Variants in VPS8 observed in about 807,000 individuals in gnomAD.
The protein encoded by VPS8 is VPS8 subunit of CORVET complex.
Under a neutral mutation model 216.4 loss-of-function variants are expected in VPS8, and 129 were observed. The ratio of observed to expected loss-of-function variants is 0.60; its 90% CI spans 0.52 to 0.69. VPS8 has a LOEUF of 0.69. Ranked by LOEUF, VPS8 falls within the 30% of genes least tolerant of loss-of-function variation. VPS8 has a pLI of 0.00. For missense variants in VPS8, 1,531 were observed against 1,683.5 expected, an observed-to-expected ratio of 0.91 and a Z score of 1.59; for synonymous variants, 571 against 565.4, an observed-to-expected ratio of 1.01 and a Z score of -0.14.
intron 42 of VPS8, among the ~76,000 whole-genome samples, chr3:184,984,946 G>A (rs1750839662): frequency 2.0e-5 from 3 of 151,984 alleles, no homozygotes; most frequent in Non-Finnish European, 4.4e-5. Flanking sequence ...GAAGTCTCTT[G>A]ATATTTGAAA....
chr3:184,894,886 C>T lies in VPS8; in HGVS notation c.1965C>T (p.Leu655=), dbSNP rs748236835. ...DKKLMENVEA[L]IVHMDITSLD... ...AATTAATGGAAAATGTGGAAGCGCT[C>T]ATTGTACATATGGATATCACCAGCC... is the stretch of plus-strand genomic sequence containing the variant. Residue 655 remains leucine, a synonymous_variant, in exon 23 of 48, where the codon CTC becomes CTT. Coordinates refer to ENST00000625842, the MANE Select transcript of VPS8 (RefSeq NM_001009921.3). The T allele has an allele frequency of 1.2e-6, 2 of 1,608,440 alleles. No homozygotes were observed. Among genetic ancestry groups the T allele is most frequent in the Non-Finnish European group, 8.5e-7 (1 of 1,177,782 alleles).
chr3:184,966,255 C>T (rs1747393784), intron 38 of VPS8, among the ~76,000 whole-genome samples: 1 of 152,134 alleles, frequency 6.6e-6, no homozygotes, highest in Non-Finnish European at 1.5e-5. Flanking sequence ...CACTCATTAC[C>T]ACAGAGGGGC....
intron 21 of VPS8, among the ~76,000 whole-genome samples, chr3:184,883,654 T>TCTA (rs1269938292): frequency 4.6e-5 from 7 of 152,184 alleles, no homozygotes; most frequent in Admixed American, 2.0e-4. Flanking sequence ...TGTAATAGCC[T>TCTA]TGGTTTCCAG....
rs758242819 is a variant in VPS8 at position 184,900,887 on chromosome 3, G to A, written c.2095-34G>A. On this transcript the variant is annotated intron_variant, in intron 24 of 47. Transcript: ENST00000625842. ...TTTTTTAAATAATATCATTTGAGAT[G>A]ATGATGATTGTTTTCCTATTAATTT... The A allele has an allele frequency of 1.9e-6, 3 of 1,547,770 alleles. No homozygotes were observed. In the Admixed American group the frequency reaches 5.6e-5, roughly 29 times the overall value.
chr3:184,902,896 A>T (rs111843814), intron 25 of VPS8, among the ~76,000 whole-genome samples: 4 of 151,330 alleles, frequency 2.6e-5, no homozygotes, highest in African/African-American at 9.7e-5. Context: ...ACATTTTCTT[A>T]TAGAAATTTA....
At chr3:184,910,565 G>T (rs949753504) in intron 25 of VPS8, among the ~76,000 whole-genome samples, 8 of 152,194 alleles carry the variant, frequency 5.3e-5, no homozygotes, top group African/African-American at 1.9e-4. Flanking sequence ...GCTGCTTTGA[G>T]TCTTTTTCCT....
At chr3:184,822,638 A>G (rs1234778565) in intron 1 of VPS8, among the ~76,000 whole-genome samples, 3 of 152,240 alleles carry the variant, frequency 2.0e-5, no homozygotes, top group African/African-American at 7.2e-5. Context: ...CGTGAATTAG[A>G]TTGTGCATGT....
rs1022809966 is a variant in VPS8, at chr3:184,999,988, T to C, written c.4002+127T>C. 10 of 1,088,234 alleles carry C rather than the reference T, an allele frequency of 9.2e-6. No homozygotes were observed. The African/African-American group carries it at 1.4e-4, about 16-fold the overall frequency. 67.4% of individuals were successfully genotyped at this position (1,088,234 alleles called of 1,614,324 possible). A position where few individuals can be genotyped will look rare whatever the true frequency, so the allele number is the denominator to read the frequency against. On this transcript the variant is annotated intron_variant, in intron 45 of 47. Coordinates refer to ENST00000625842, the MANE Select transcript of VPS8 (RefSeq NM_001009921.3). The stretch of plus-strand genomic sequence containing the variant: ...CCTGGTGGGTATTGGGTACATGAAA[T>C]GTTCTTTTCAGTCCTATTTAGTGTT...
intron 45 of VPS8, among the ~76,000 whole-genome samples, chr3:185,007,138 A>G (rs974557709): frequency 7.9e-5 from 12 of 152,240 alleles, no homozygotes; most frequent in Non-Finnish European, 1.5e-4. Context: ...CTTCAAAAAA[A>G]GGAGAAATGA....
intron 35 of VPS8, among the ~76,000 whole-genome samples, chr3:184,938,449 C>T (rs910819011): frequency 1.3e-5 from 2 of 152,098 alleles, no homozygotes; most frequent in African/African-American, 4.8e-5. Flanking sequence ...TGAAGTAGTA[C>T]ACGGAAGGAC....
chr3:184,963,920 G>T (rs1746961335), intron 37 of VPS8, among the ~76,000 whole-genome samples: 1 of 151,722 alleles, frequency 6.6e-6, no homozygotes, highest in Non-Finnish European at 1.5e-5. Flanking sequence ...TGTGTTATTT[G>T]TTCTAATAAA....
At chr3:184,923,397 CT>C (rs909865684) in intron 29 of VPS8, among the ~76,000 whole-genome samples, 3 of 152,164 alleles carry the variant, frequency 2.0e-5, no homozygotes, top group Non-Finnish European at 2.9e-5. Flanking sequence ...CCTGTCCCCC[CT>C]GTCTCTGCCT....
chr3:184,970,207 C>T (rs543343818), intron 39 of VPS8, among the ~76,000 whole-genome samples: 45 of 152,064 alleles, frequency 3.0e-4, no homozygotes, highest in Non-Finnish European at 4.9e-4. Flanking sequence ...CCACCACGAC[C>T]GGCCCCATCT....
chr3:185,014,607 G>C (rs939472791), intron 45 of VPS8, among the ~76,000 whole-genome samples: 1 of 152,200 alleles, frequency 6.6e-6, no homozygotes, highest in African/African-American at 2.4e-5. Context: ...GCTGCTGATA[G>C]CATCTGGCCT....
intron 23 of VPS8, 76 bp downstream of exon 23, chr3:184,895,001 G>A: frequency 8.1e-7 from 1 of 1,232,166 alleles, no homozygotes; most frequent in South Asian, 1.6e-5. Flanking sequence ...TCACTGATCA[G>A]GCCTGACCCT....
At chr3:184,919,853 T>G (rs1469268321) in intron 28 of VPS8, among the ~76,000 whole-genome samples, 1 of 152,168 alleles carries the variant, frequency 6.6e-6, no homozygotes, top group African/African-American at 2.4e-5. Flanking sequence ...TCGCTCTCTT[T>G]TTTTTGCTTA....
rs1714346973 is a variant in VPS8, at chr3:185,051,946, G to GT, written c.4209dup (p.Ala1404CysfsTer11). ...TATAGGCCATTCAGTGGCTCGCAGA[G>GT]TGCTCCTGCTTTCAACAGCATCTTC... is the stretch of plus-strand genomic sequence containing the variant. On this transcript the variant is annotated frameshift_variant, in exon 48 of 48. Transcript: ENST00000625842. LOFTEE classifies it high-confidence loss of function. 1.9e-6 allele frequency: 3 copies of GT among 1,613,518 alleles called. No individual in the cohort carries two copies. Among genetic ancestry groups the GT allele is most frequent in the Non-Finnish European group, 2.5e-6 (3 of 1,179,778 alleles).
intron 40 of VPS8, among the ~76,000 whole-genome samples, chr3:184,972,988 G>A (rs960150959): frequency 1.3e-5 from 2 of 152,136 alleles, no homozygotes; most frequent in Non-Finnish European, 2.9e-5. Context: ...CATATTTTCT[G>A]TTCTTCTGAG....
chr3:184,887,941 T>G (rs1441269991), intron 22 of VPS8, among the ~76,000 whole-genome samples: 1 of 152,224 alleles, frequency 6.6e-6, no homozygotes, highest in East Asian at 1.9e-4. Context: ...GTTACGTAAT[T>G]AGCAAAACAC....
Sources: gnomAD v4.1 joint callset for allele counts (sites outside exome capture counted in the v4.1 genomes callset) on GRCh38, gnomAD v4.1.1 for gene constraint, MANE v1.5 for transcripts, NCBI Gene and HGNC (gene_info 2026-07-23, HGNC 2026-07-21) for gene names.